Variants in ACTN1 observed in about 807,000 individuals in gnomAD.
ACTN1 encodes actinin alpha 1, also known as alpha-actinin-1.
ACTN1 carries 30 observed loss-of-function variants against 119.6 expected under a neutral mutation model. The observed-to-expected ratio is 0.25, with a 90% confidence interval of 0.19 to 0.34. The LOEUF (loss-of-function observed/expected upper bound fraction) is 0.34. ACTN1 is among the 10% of genes least tolerant of loss of function. The pLI, the probability that ACTN1 is intolerant of heterozygous loss-of-function variation, is 1.00. For synonymous variants in ACTN1, 429 were observed against 472.6 expected (o/e 0.91, Z 1.20); for missense variants, 764 against 1,223.4 (o/e 0.62, Z 5.60).
At chr14:68,913,615 G>A (rs1241818153) in intron 3 of ACTN1, among the ~76,000 whole-genome samples, 1 of 152,188 alleles carries the variant, frequency 6.6e-6, no homozygotes, top group Non-Finnish European at 1.5e-5. Context: ...GCCGGGTGTA[G>A]TCCATGGAGC....
At chr14:68,947,176 T>C (rs779845026) in intron 1 of ACTN1, among the ~76,000 whole-genome samples, 3 of 152,190 alleles carry the variant, frequency 2.0e-5, no homozygotes, top group Admixed American at 2.0e-4. Context: ...GACTCACAGA[T>C]TGGTATTTTA....
At chr14:68,938,938 T>C (rs1237106669) in intron 1 of ACTN1, among the ~76,000 whole-genome samples, 2 of 152,034 alleles carry the variant, frequency 1.3e-5, no homozygotes, top group Non-Finnish European at 2.9e-5. Context: ...CATTTCCTGG[T>C]TTACACCCAT....
At chr14:68,940,890 C>T (rs1210492847) in intron 1 of ACTN1, among the ~76,000 whole-genome samples, 1 of 152,166 alleles carries the variant, frequency 6.6e-6, no homozygotes, top group Non-Finnish European at 1.5e-5. Flanking sequence ...TTCTGTGCCC[C>T]TAAAATAATC....
intron 1 of ACTN1, among the ~76,000 whole-genome samples, chr14:68,963,015 C>T (rs2036589129): frequency 6.6e-6 from 1 of 152,166 alleles, no homozygotes; most frequent in Non-Finnish European, 1.5e-5. Context: ...TCCAGCTGCA[C>T]CCAGCCCACT....
At chr14:68,906,548 T>A (rs1171080196) in intron 6 of ACTN1, among the ~76,000 whole-genome samples, 1 of 151,996 alleles carries the variant, frequency 6.6e-6, no homozygotes, top group Non-Finnish European at 1.5e-5. Flanking sequence ...GTAGTCAAGG[T>A]CATTCTCATC....
chr14:68,885,331 C>A lies in ACTN1; in HGVS notation c.1385+94G>T. 1 of 1,443,946 alleles carries A rather than the reference C, an allele frequency of 6.9e-7. No individual in the cohort carries two copies. Among genetic ancestry groups the A allele is most frequent in the Non-Finnish European group, 9.2e-7 (1 of 1,087,162 alleles). The allele number at this position is 1,443,946 out of a possible 1,614,324, so 89.4% of individuals were successfully genotyped here. ...GGCACCCACCTGTACCCACCCTCCC[C>A]ATCTTCCACGGCCACACCCCCACCT... On this transcript the variant is annotated intron_variant, in intron 12 of 21. Transcript: ENST00000394419. This position sits in a 1 kb window ranked among gnomAD's most constrained non-coding sequence, Gnocchi z 5.6.
chr14:68,899,431 AC>A (rs1190978896), intron 8 of ACTN1, among the ~76,000 whole-genome samples: 3 of 126,270 alleles, frequency 2.4e-5, no homozygotes, highest in African/African-American at 9.6e-5. Context: ...CATTCCCCAC[AC>A]CCCCCAGACA....
At chr14:68,953,840 C>A (rs1261091899) in intron 1 of ACTN1, among the ~76,000 whole-genome samples, 1 of 149,958 alleles carries the variant, frequency 6.7e-6, no homozygotes, top group South Asian at 2.1e-4. Context: ...GAGCCAAGAT[C>A]GCGCCACTGC....
intron 11 of ACTN1, 133 bp downstream of exon 11, chr14:68,890,006 C>A (rs2032347645): frequency 7.3e-7 from 1 of 1,368,202 alleles, no homozygotes; most frequent in Non-Finnish European, 9.8e-7. Flanking sequence ...AATGAACTTG[C>A]CTAAAGCCAT....
At chr14:68,929,481 T>C (rs1158306044) in intron 1 of ACTN1, among the ~76,000 whole-genome samples, 8 of 152,038 alleles carry the variant, frequency 5.3e-5, no homozygotes, top group African/African-American at 1.9e-4. Context: ...GATGAAGCCC[T>C]GCCCTATCTG....
At chr14:68,965,650 A>T (rs1374487360) in intron 1 of ACTN1, among the ~76,000 whole-genome samples, 3 of 152,150 alleles carry the variant, frequency 2.0e-5, no homozygotes, top group African/African-American at 7.2e-5. Context: ...TCCCCTCCCC[A>T]GGCACCTGGC....
chr14:68,940,835 A>T (rs953707094), intron 1 of ACTN1, among the ~76,000 whole-genome samples: 1 of 152,190 alleles, frequency 6.6e-6, no homozygotes, highest in Admixed American at 6.5e-5. Flanking sequence ...AATTTGCAAG[A>T]AAGAAAGAGA....
intron 1 of ACTN1, among the ~76,000 whole-genome samples, chr14:68,933,961 G>C (rs1014019795): frequency 8.8e-5 from 13 of 147,330 alleles, no homozygotes; most frequent in African/African-American, 2.0e-4. Context: ...TGGGGTGACA[G>C]AGTGAGACCC....
intron 1 of ACTN1, among the ~76,000 whole-genome samples, chr14:68,933,159 T>A (rs2035310291): frequency 6.6e-6 from 1 of 151,294 alleles, no homozygotes; most frequent in Non-Finnish European, 1.5e-5. Context: ...ATTTGCGATG[T>A]ATCTCGCTCT....
intron 3 of ACTN1, among the ~76,000 whole-genome samples, chr14:68,916,816 CCT>C (rs1445207425): frequency 2.6e-5 from 4 of 152,316 alleles, no homozygotes; most frequent in South Asian, 2.1e-4. Context: ...GCTCACATCC[CCT>C]GTTTACTGGG....
At chr14:68,931,883 G>A (rs1394763394) in intron 1 of ACTN1, among the ~76,000 whole-genome samples, 11 of 152,232 alleles carry the variant, frequency 7.2e-5, no homozygotes, top group Admixed American at 5.2e-4. Context: ...GGCAGGGCTC[G>A]GCAAGGGCAC....
intron 1 of ACTN1, among the ~76,000 whole-genome samples, chr14:68,958,052 C>T (rs2036409650): frequency 6.6e-6 from 1 of 152,168 alleles, no homozygotes; most frequent in Non-Finnish European, 1.5e-5. Flanking sequence ...AGCGCATCAG[C>T]CCGGGGTCCC....
chr14:68,932,403 G>A (rs1566651428), intron 1 of ACTN1, among the ~76,000 whole-genome samples: 1 of 151,634 alleles, frequency 6.6e-6, no homozygotes, highest in Admixed American at 6.6e-5. Context: ...CCTACTGTGG[G>A]AGCTCGCCTT....
At chr14:68,948,906 G>A (rs2036036072) in intron 1 of ACTN1, among the ~76,000 whole-genome samples, 1 of 152,174 alleles carries the variant, frequency 6.6e-6, no homozygotes, top group Non-Finnish European at 1.5e-5. Context: ...GCAGATCTCT[G>A]CCAGGGGGTC....
Sources: gnomAD v4.1 joint callset for allele counts (sites outside exome capture counted in the v4.1 genomes callset) on GRCh38, gnomAD v4.1.1 for gene constraint, Gnocchi (gnomAD v3.1) non-coding constraint, MANE v1.5 for transcripts, NCBI Gene and HGNC (gene_info 2026-07-23, HGNC 2026-07-21) for gene names.